The following PCDH19 variants were observed in gnomAD, a reference collection of about 807,000 sequenced individuals.
The protein encoded by PCDH19 is protocadherin-19.
Under a neutral mutation model 46.2 loss-of-function variants are expected in PCDH19, and 6 were observed. The ratio of observed to expected loss-of-function variants is 0.13; its 90% CI spans 0.07 to 0.26. PCDH19 has a LOEUF of 0.26. Ranked by LOEUF, PCDH19 falls within the 10% of genes least tolerant of loss-of-function variation. The pLI is 1.00. For missense variants in PCDH19, 740 were observed against 972.3 expected (o/e 0.76, Z 3.18); for synonymous variants, 481 against 415.7 (o/e 1.16, Z -1.91).
At chrX:100,360,445 G>A (rs1165162320) in intron 3 of PCDH19, among the ~76,000 whole-genome samples, 1 of 112,250 alleles carries the variant, frequency 8.9e-6, no homozygotes, top group African/African-American at 3.2e-5. Flanking sequence ...ACCTGCCATA[G>A]TTCTCTTTTG....
chrX:100,369,360 T>A (rs902580324), intron 3 of PCDH19, among the ~76,000 whole-genome samples: 7 of 111,280 alleles, frequency 6.3e-5, no homozygotes, highest in African/African-American at 2.3e-4. Context: ...GAGCATCTGT[T>A]TTTTAATGAT....
At chrX:100,346,848 G>T (rs1926416486) in intron 4 of PCDH19, among the ~76,000 whole-genome samples, 1 of 107,489 alleles carries the variant, frequency 9.3e-6, no homozygotes, top group Admixed American at 1.0e-4. Flanking sequence ...AGCACTGTAG[G>T]AGTGGATATC....
At position 100,367,565 on chromosome X, in the gene PCDH19, G is replaced by T. The variant is rs375092318; in HGVS notation, c.2617-16861C>A. Among the ~76,000 whole-genome samples, 60 of 111,723 alleles carry T rather than the reference G, an allele frequency of 5.4e-4. 4 individuals carry two copies. Among genetic ancestry groups the T allele is most frequent in the Admixed American group, 2.7e-3 (28 of 10,536 alleles). On this transcript the variant is annotated intron_variant, in intron 3 of 5. Coordinates refer to ENST00000373034, the MANE Select transcript of PCDH19 (RefSeq NM_001184880.2). ...TGCTGTATCTTTCTCTGGACGGGAG[G>T]AACACTGTGTCCTCACAAGACAGAA...
At chrX:100,379,049 G>A (rs772912433) in intron 3 of PCDH19, among the ~76,000 whole-genome samples, 6 of 111,177 alleles carry the variant, frequency 5.4e-5, no homozygotes, top group Non-Finnish European at 9.4e-5. Context: ...ACAGTTAAGA[G>A]GGGACAATCC....
intron 5 of PCDH19, among the ~76,000 whole-genome samples, chrX:100,300,379 G>A (rs1365276494): frequency 8.9e-6 from 1 of 112,050 alleles, no homozygotes; most frequent in Non-Finnish European, 1.9e-5. Context: ...GACTAGAGAA[G>A]AACCATTTTG....
At chrX:100,327,299 C>T (rs753147220) in intron 5 of PCDH19, among the ~76,000 whole-genome samples, 3 of 112,240 alleles carry the variant, frequency 2.7e-5, no homozygotes, top group Non-Finnish European at 5.6e-5. Flanking sequence ...TCCCATTTTG[C>T]AGTTGTGAAA....
At chrX:100,303,443 T>C (rs911306484) in intron 5 of PCDH19, among the ~76,000 whole-genome samples, 1 of 112,031 alleles carries the variant, frequency 8.9e-6, no homozygotes, top group African/African-American at 3.2e-5. Flanking sequence ...ATGGAAAATA[T>C]CTGTTATGTA....
intron 3 of PCDH19, among the ~76,000 whole-genome samples, chrX:100,393,493 T>TACACACACACAC (rs1191391184): frequency 3.9e-5 from 1 of 25,351 alleles, no homozygotes; most frequent in Non-Finnish European, 8.1e-5. Context: ...TACACATACA[T>TACACACACACAC]ACATACACAC....
At chrX:100,298,494 A>G (rs1182340645) in intron 5 of PCDH19, among the ~76,000 whole-genome samples, 1 of 111,907 alleles carries the variant, frequency 8.9e-6, no homozygotes, top group Admixed American at 9.5e-5. Context: ...TCCCCCTTTC[A>G]GTGCTGGGCA....
intron 3 of PCDH19, among the ~76,000 whole-genome samples, chrX:100,386,056 T>C (rs750192620): frequency 1.2e-3 from 138 of 112,163 alleles, no homozygotes; most frequent in African/African-American, 4.1e-3. Flanking sequence ...TATATGTGTT[T>C]TCAAAAATAC....
chrX:100,353,539 T>C (rs1843151235), intron 3 of PCDH19, among the ~76,000 whole-genome samples: 3 of 111,603 alleles, frequency 2.7e-5, no homozygotes, highest in South Asian at 3.8e-4. Context: ...TTCTTGGTCC[T>C]AAGCCATAAT....
In PCDH19 at chrX:100,375,795, T is replaced by C. The variant is rs140503810; in HGVS notation, c.2617-25091A>G. ...GGACAAGAAAGTAGGGCATTTCAAT[T>C]GAGGATCAACATGCTATTATTCTAA... is the stretch of plus-strand genomic sequence containing the variant. On this transcript the variant is annotated intron_variant, in intron 3 of 5. Coordinates refer to ENST00000373034, the MANE Select transcript of PCDH19 (RefSeq NM_001184880.2). Among the ~76,000 whole-genome samples the C allele has an allele frequency of 5.4e-3, 601 of 112,253 alleles. 4 individuals carry two copies. Among genetic ancestry groups the C allele is most frequent in the Non-Finnish European group, 8.6e-3 (459 of 53,240 alleles).
At chrX:100,320,934 C>A (rs1925457032) in intron 5 of PCDH19, among the ~76,000 whole-genome samples, 2 of 106,012 alleles carry the variant, frequency 1.9e-5, no homozygotes, top group Non-Finnish European at 3.9e-5. Flanking sequence ...TCAATCGCCC[C>A]CCTTCCACCC....
At chrX:100,349,792 A>AG (rs1173069303) in intron 4 of PCDH19, among the ~76,000 whole-genome samples, 1 of 112,681 alleles carries the variant, frequency 8.9e-6, no homozygotes, top group East Asian at 2.8e-4. Flanking sequence ...TTGAAAGGTT[A>AG]GGACTGGTCT....
chrX:100,298,913 G>A (rs1168168637), intron 5 of PCDH19, among the ~76,000 whole-genome samples: 1 of 111,556 alleles, frequency 9.0e-6, no homozygotes, highest in Non-Finnish European at 1.9e-5. Context: ...CAGTAGAACA[G>A]AAGTCACATC....
At chrX:100,339,879 GAA>G (rs1310593558) in intron 5 of PCDH19, among the ~76,000 whole-genome samples, 1 of 112,416 alleles carries the variant, frequency 8.9e-6, no homozygotes, top group Non-Finnish European at 1.9e-5. Context: ...AACAAAATGT[GAA>G]AGTGTTGCCA....
intron 3 of PCDH19, among the ~76,000 whole-genome samples, chrX:100,358,362 G>T (rs1335779944): frequency 8.9e-6 from 1 of 112,083 alleles, no homozygotes; most frequent in African/African-American, 3.2e-5. Flanking sequence ...AGGCCATGTG[G>T]TTAACATTCA....
At chrX:100,305,251 G>A (rs1924909396) in intron 5 of PCDH19, among the ~76,000 whole-genome samples, 1 of 109,985 alleles carries the variant, frequency 9.1e-6, no homozygotes, top group Admixed American at 9.8e-5. Context: ...CAAGCTAGAA[G>A]GGATTGGGGT....
chrX:100,342,503 T>C lies in PCDH19; in HGVS notation c.2676-428A>G, dbSNP rs913466283. On this transcript the variant is annotated intron_variant, in intron 4 of 5. Coordinates refer to ENST00000373034, the MANE Select transcript of PCDH19 (RefSeq NM_001184880.2). ...AATTAACTGTTGAAATCATCACAAC[T>C]CTGTAAGAGAAAGGTGCTACTAATA... Among the ~76,000 whole-genome samples, 9 of 111,919 alleles carry C rather than the reference T, an allele frequency of 8.0e-5. No homozygotes were observed. In the East Asian group the frequency reaches 2.5e-3, roughly 31 times the overall value.
Sources: allele counts gnomAD v4.1 joint callset (sites outside exome capture counted in the v4.1 genomes callset), GRCh38; gene constraint gnomAD v4.1.1; transcripts MANE v1.5; gene names NCBI Gene and HGNC (gene_info 2026-07-23, HGNC 2026-07-21).